Variants in LANCL2 observed in about 807,000 individuals in gnomAD.
The protein encoded by LANCL2 is lanC-like protein 2.
A neutral mutation model predicts 56.9 loss-of-function variants in LANCL2; 33 were observed. That is an observed-to-expected ratio of 0.58 (90% CI 0.44 to 0.78). The LOEUF is 0.78. Ranked by LOEUF, LANCL2 falls within the 30% of genes least tolerant of loss-of-function variation. The pLI, the probability that LANCL2 is intolerant of heterozygous loss-of-function variation, is 0.00. For missense variants in LANCL2, 562 were observed against 580.2 expected (o/e 0.97, Z 0.32); for synonymous variants, 233 against 228.2 (o/e 1.02, Z -0.19).
chr7:55,427,807 CATTG>C (rs1790681056), intron 7 of LANCL2, among the ~76,000 whole-genome samples: 1 of 152,156 alleles, frequency 6.6e-6, no homozygotes. Flanking sequence ...TGGAAACACC[CATTG>C]AAGAGGTCTA....
At chr7:55,403,549 GTTTT>G (rs1268677271) in intron 5 of LANCL2, among the ~76,000 whole-genome samples, 2 of 147,124 alleles carry the variant, frequency 1.4e-5, no homozygotes, top group Non-Finnish European at 3.0e-5. Context: ...ACTTTTCTGG[GTTTT>G]TTTTGTTTGT....
At chr7:55,408,949 T>C (rs1409225546) in intron 5 of LANCL2, among the ~76,000 whole-genome samples, 2 of 141,162 alleles carry the variant, frequency 1.4e-5, no homozygotes, top group African/African-American at 5.3e-5. Context: ...GCCACTGCAC[T>C]CCAGCCTGGG....
chr7:55,418,580 T>C (rs1037698695), intron 6 of LANCL2, among the ~76,000 whole-genome samples: 1 of 152,150 alleles, frequency 6.6e-6, no homozygotes. Flanking sequence ...TGTACACATA[T>C]TGTATCTGTG....
intron 1 of LANCL2, among the ~76,000 whole-genome samples, chr7:55,369,413 TA>T (rs1450708058): frequency 1.3e-5 from 2 of 152,190 alleles, no homozygotes; most frequent in Non-Finnish European, 2.9e-5. Context: ...GATCAGTCAA[TA>T]AAATTATCCT....
At chr7:55,366,286 T>C (rs1789866868) in intron 1 of LANCL2, 57 bp downstream of exon 1, 4 of 1,376,440 alleles carry the variant, frequency 2.9e-6, no homozygotes, top group African/African-American at 1.5e-5. Context: ...GGTGGTAGCG[T>C]CCACCTTCCG....
At chr7:55,420,991 C>CAA (rs1281543663) in intron 6 of LANCL2, among the ~76,000 whole-genome samples, 2 of 152,034 alleles carry the variant, frequency 1.3e-5, no homozygotes, top group African/African-American at 4.8e-5. Context: ...TGGAATGTTC[C>CAA]TTTTATCTCT....
chr7:55,381,644 C>T (rs1265345138), intron 1 of LANCL2, among the ~76,000 whole-genome samples: 5 of 152,140 alleles, frequency 3.3e-5, no homozygotes, highest in African/African-American at 1.2e-4. Flanking sequence ...TCCTCTTACC[C>T]CTCGGAGTTT....
chr7:55,366,832 AT>A (rs1389693828), intron 1 of LANCL2, among the ~76,000 whole-genome samples: 1 of 152,244 alleles, frequency 6.6e-6, no homozygotes, highest in East Asian at 1.9e-4. Context: ...ACACAAAGAA[AT>A]GGCAAAACCC....
intron 8 of LANCL2, among the ~76,000 whole-genome samples, chr7:55,430,062 C>T (rs1425352417): frequency 1.3e-5 from 2 of 152,248 alleles, no homozygotes; most frequent in African/African-American, 4.8e-5. Flanking sequence ...TGCCCACACA[C>T]CTGAGCAGGA....
intron 6 of LANCL2, among the ~76,000 whole-genome samples, chr7:55,421,657 T>G (rs1790609794): frequency 6.6e-6 from 1 of 152,090 alleles, no homozygotes; most frequent in Non-Finnish European, 1.5e-5. Flanking sequence ...GTGTTAACTC[T>G]TTAACTGTAT....
chr7:55,398,308 G>A (rs533371174), intron 2 of LANCL2, 115 bp from the exon 3 acceptor site: 53 of 745,688 alleles, frequency 7.1e-5, no homozygotes, highest in African/African-American at 5.3e-4. Context: ...GGTGTTACCC[G>A]TTTGGAAACA....
At chr7:55,428,321 GC>G in intron 7 of LANCL2, 53 bp from the exon 8 acceptor site, 1 of 1,476,452 alleles carries the variant, frequency 6.8e-7, no homozygotes, top group Non-Finnish European at 9.5e-7. Flanking sequence ...CTCATTTATT[GC>G]CTTTTCACCA....
chr7:55,420,917 G>T (rs1790601034), intron 6 of LANCL2, among the ~76,000 whole-genome samples: 1 of 152,062 alleles, frequency 6.6e-6, no homozygotes, highest in African/African-American at 2.4e-5. Context: ...GTATTTTGAG[G>T]CTCTGTTCTA....
intron 5 of LANCL2, among the ~76,000 whole-genome samples, chr7:55,401,531 T>A (rs867756751): frequency 2.8e-5 from 3 of 106,674 alleles, no homozygotes; most frequent in Non-Finnish European, 6.0e-5. Context: ...TTTTTTTTTT[T>A]TTTTTTTTTT....
intron 1 of LANCL2, among the ~76,000 whole-genome samples, chr7:55,367,716 C>G (rs772955696): frequency 1.3e-5 from 2 of 152,156 alleles, no homozygotes; most frequent in Non-Finnish European, 2.9e-5. Flanking sequence ...CAGAGCTAGA[C>G]GCAGTCTCAA....
chr7:55,387,539 G>T (rs923600147), intron 1 of LANCL2, among the ~76,000 whole-genome samples: 2 of 149,782 alleles, frequency 1.3e-5, no homozygotes, highest in Non-Finnish European at 3.0e-5. Context: ...AGTTTTTTTT[G>T]GTTTTTTTTT....
At chr7:55,401,403 T>C in intron 5 of LANCL2, 83 bp downstream of exon 5, 1 of 1,274,888 alleles carries the variant, frequency 7.8e-7, no homozygotes, top group Admixed American at 1.9e-5. Flanking sequence ...AACAAAGCAG[T>C]CTGGATTGAA....
chr7:55,425,969 C>T (rs1316201045), intron 7 of LANCL2, among the ~76,000 whole-genome samples: 1 of 152,186 alleles, frequency 6.6e-6, no homozygotes, highest in Non-Finnish European at 1.5e-5. Flanking sequence ...GCCCTCTAGC[C>T]CGCCATAATA....
chr7:55,378,432 G>C (rs1453825276), intron 1 of LANCL2, among the ~76,000 whole-genome samples: 1 of 152,100 alleles, frequency 6.6e-6, no homozygotes, highest in Non-Finnish European at 1.5e-5. Flanking sequence ...CTGCACTCTA[G>C]TCTGGGCGAC....
Sources: allele counts gnomAD v4.1 joint callset (sites outside exome capture counted in the v4.1 genomes callset), GRCh38; gene constraint gnomAD v4.1.1; transcripts MANE v1.5; gene names NCBI Gene and HGNC (gene_info 2026-07-23, HGNC 2026-07-21).